Variants in CRIM1 observed in about 807,000 individuals in gnomAD.
CRIM1 encodes cysteine rich transmembrane BMP regulator 1.
Under a neutral mutation model 116.4 loss-of-function variants are expected in CRIM1, and 32 were observed. The ratio of observed to expected loss-of-function variants is 0.27; its 90% CI spans 0.21 to 0.37. The LOEUF (loss-of-function observed/expected upper bound fraction) is 0.37, where lower values mean the gene tolerates loss of function less well. CRIM1 is among the 10% of genes least tolerant of loss of function. The pLI is 1.00. For synonymous variants in CRIM1, 590 were observed against 509.2 expected, an observed-to-expected ratio of 1.16 and a Z score of -2.13; for missense variants, 1,331 against 1,354.8, an observed-to-expected ratio of 0.98 and a Z score of 0.28.
chr2:36,357,115 C>G (rs1268550055), intron 1 of CRIM1, among the ~76,000 whole-genome samples: 2 of 152,218 alleles, frequency 1.3e-5, no homozygotes, highest in Admixed American at 1.3e-4. Context: ...CTCGCACTCC[C>G]CGAGTGACTC....
At chr2:36,384,525 T>C (rs1191387815) in intron 1 of CRIM1, among the ~76,000 whole-genome samples, 4 of 152,228 alleles carry the variant, frequency 2.6e-5, no homozygotes, top group Non-Finnish European at 5.9e-5. Context: ...CGTGTAAATA[T>C]GTTTTTCAAA....
intron 4 of CRIM1, among the ~76,000 whole-genome samples, chr2:36,445,673 C>T (rs1676185320): frequency 6.6e-6 from 1 of 152,090 alleles, no homozygotes; most frequent in Non-Finnish European, 1.5e-5. Flanking sequence ...GGCTTAGACC[C>T]ATTCAGCCTA....
Position 36,356,275 on chromosome 2 carries a change from C to A in CRIM1, c.-18C>A. On this transcript the variant is annotated 5_prime_UTR_variant, in exon 1 of 17. Coordinates refer to ENST00000280527, the MANE Select transcript of CRIM1 (RefSeq NM_016441.3). The surrounding 1 kb of genome is among the most constrained non-coding windows in gnomAD (Gnocchi z 4.3). ...TCCCGGCCCGGCTGCGAGGAGGAGG[C>A]GGCGGCGGCGCAGGAGGATGTACTT... 4 of 1,343,434 alleles carry A rather than the reference C, an allele frequency of 3.0e-6. No individual in the cohort carries two copies. Among genetic ancestry groups the A allele is most frequent in the Non-Finnish European group, 2.9e-6 (3 of 1,022,242 alleles). The allele number at this position is 1,343,434 out of a possible 1,614,324, so 83.2% of individuals were successfully genotyped here.
At position 36,549,392 on chromosome 2, in the gene CRIM1, CCAAGCCAAT is replaced by C. The variant is rs1173681474; in HGVS notation, c.*695_*703del. 6.6e-6 allele frequency: 1 copy of C among 152,542 alleles called. No homozygotes were observed. The highest frequency in any genetic ancestry group is 1.5e-5 in the Non-Finnish European group (1 of 68,026). The allele number at this position is 152,542 out of a possible 1,614,324, so 9.4% of individuals were successfully genotyped here. A position where few individuals can be genotyped will look rare whatever the true frequency, so the allele number is the denominator to read the frequency against. On this transcript the variant is annotated 3_prime_UTR_variant, in exon 17 of 17. Coordinates refer to ENST00000280527, the MANE Select transcript of CRIM1 (RefSeq NM_016441.3). Reference sequence around the variant, plus strand: ...CACTTTTTGCTGCTTTTATTTTCTTCCAAGCCAATCAATCAGCCAGTTCCTAGCAGAGTC... The same window carrying C: ...CACTTTTTGCTGCTTTTATTTTCTTCCAATCAGCCAGTTCCTAGCAGAGTC...
At chr2:36,490,830 C>T (rs1300765876) in intron 7 of CRIM1, among the ~76,000 whole-genome samples, 1 of 152,210 alleles carries the variant, frequency 6.6e-6, no homozygotes, top group African/African-American at 2.4e-5. Context: ...AGGCCCCAGG[C>T]CCTAACCATT....
At chr2:36,453,668 G>A (rs1220305221) in intron 4 of CRIM1, among the ~76,000 whole-genome samples, 1 of 152,220 alleles carries the variant, frequency 6.6e-6, no homozygotes, top group African/African-American at 2.4e-5. Flanking sequence ...AAATATAGTC[G>A]CTGATGTCTA....
chr2:36,379,000 A>G (rs1273633626), intron 1 of CRIM1: 2 of 152,210 alleles, frequency 1.3e-5, no homozygotes, highest in African/African-American at 4.8e-5. Flanking sequence ...CAACAGTAGT[A>G]AAAATCCTTT....
chr2:36,445,489 T>C (rs1163929707), intron 4 of CRIM1, among the ~76,000 whole-genome samples: 1 of 152,244 alleles, frequency 6.6e-6, no homozygotes, highest in East Asian at 1.9e-4. Flanking sequence ...TCCTTTCCTA[T>C]GCTGTCAGTT....
In CRIM1 at chr2:36,533,089, T is replaced by C. The variant is rs544481162; in HGVS notation, c.2429-4263T>C. 6.2e-4 allele frequency among the ~76,000 whole-genome samples: 95 copies of C among 152,330 alleles called. No homozygotes were observed. The South Asian group carries it at 0.018, about 29-fold the overall frequency. On this transcript the variant is annotated intron_variant, in intron 13 of 16. Transcript: ENST00000280527. ...CCCTCTTCAGGCTGAGTGCTTAAAA[T>C]ACATTTATATGTAGTCTCAATTAGA...
intron 12 of CRIM1, 21 bp from the exon 13 acceptor site, chr2:36,522,071 C>T: frequency 6.2e-7 from 1 of 1,605,532 alleles, no homozygotes; most frequent in Non-Finnish European, 8.5e-7. Flanking sequence ...TCTTTGCTGA[C>T]CTATATGTTC....
At chr2:36,468,973 G>C (rs1678271676) in intron 5 of CRIM1, among the ~76,000 whole-genome samples, 1 of 152,210 alleles carries the variant, frequency 6.6e-6, no homozygotes, top group Non-Finnish European at 1.5e-5. Flanking sequence ...CGTTCCCCAA[G>C]TGAGTAAATG....
At position 36,546,976 on chromosome 2, in the gene CRIM1, T is replaced by C. The variant is rs186746241; in HGVS notation, c.2747-8T>C. 895 of 1,531,178 alleles carry C rather than the reference T, an allele frequency of 5.8e-4. 2 individuals carry two copies. Among genetic ancestry groups the C allele is most frequent in the Non-Finnish European group, 7.0e-4 (794 of 1,127,530 alleles). 94.8% of individuals were successfully genotyped at this position (1,531,178 alleles called of 1,614,324 possible). A position where few individuals can be genotyped will look rare whatever the true frequency, so the allele number is the denominator to read the frequency against. The stretch of plus-strand genomic sequence containing the variant: ...GGTAATAAATGCTTATAATTTTTTT[T>C]CTCCTAGATATGGGTCACCTCCAGG... On this transcript the variant is annotated splice_polypyrimidine_tract_variant and splice_region_variant and intron_variant, in intron 15 of 16. Transcript: ENST00000280527.
chr2:36,540,766 C>T lies in CRIM1; in HGVS notation c.2623+3220C>T, dbSNP rs117868209. Among the ~76,000 whole-genome samples, 18 of 152,222 alleles carry T rather than the reference C, an allele frequency of 1.2e-4. 1 individual carries two copies. The East Asian group carries it at 3.5e-3, about 29-fold the overall frequency. ...AGGAAGGACTAAAGCAGAGAGAGAC[C>T]AGAGGCCAGGACAGCTGTAACAGGC... On this transcript the variant is annotated intron_variant, in intron 14 of 16. Transcript: ENST00000280527.
chr2:36,541,887 G>A (rs1001416144), intron 14 of CRIM1, among the ~76,000 whole-genome samples: 9 of 152,246 alleles, frequency 5.9e-5, no homozygotes, highest in Non-Finnish European at 1.2e-4. Context: ...CATAGAAGGC[G>A]GCCTGGGTCT....
chr2:36,388,035 G>A (rs1671301709), intron 1 of CRIM1, among the ~76,000 whole-genome samples: 1 of 148,712 alleles, frequency 6.7e-6, no homozygotes, highest in Non-Finnish European at 1.5e-5. Context: ...CATCAATGTT[G>A]ACATATGGTA....
chr2:36,459,461 A>T (rs181388201), intron 4 of CRIM1, among the ~76,000 whole-genome samples: 19 of 152,286 alleles, frequency 1.2e-4, no homozygotes, highest in African/African-American at 4.6e-4. Flanking sequence ...GGGTACCTTT[A>T]TCATTTTTTT....
chr2:36,487,814 C>A (rs1360385534), intron 7 of CRIM1, among the ~76,000 whole-genome samples: 1 of 152,086 alleles, frequency 6.6e-6, no homozygotes, highest in East Asian at 1.9e-4. Context: ...AAAATCAATT[C>A]ACCTACTACA....
chr2:36,371,925 G>T (rs1669971626), intron 1 of CRIM1, among the ~76,000 whole-genome samples: 1 of 152,212 alleles, frequency 6.6e-6, no homozygotes. Context: ...ATATCATCAT[G>T]ACTTGGTGAT....
intron 4 of CRIM1, among the ~76,000 whole-genome samples, chr2:36,445,309 C>T (rs972918009): frequency 6.6e-6 from 1 of 152,172 alleles, no homozygotes; most frequent in Non-Finnish European, 1.5e-5. Flanking sequence ...TGTAGAAACC[C>T]TCCATTCCAA....
Sources: gnomAD v4.1 joint callset for allele counts (sites outside exome capture counted in the v4.1 genomes callset) on GRCh38, gnomAD v4.1.1 for gene constraint, Gnocchi (gnomAD v3.1) non-coding constraint, MANE v1.5 for transcripts, NCBI Gene and HGNC (gene_info 2026-07-23, HGNC 2026-07-21) for gene names.